Variants in FREM3 observed in about 807,000 individuals in gnomAD.
The protein encoded by FREM3 is FRAS1 related extracellular matrix 3, also known as FRAS1-related extracellular matrix protein 3.
FREM3 carries 105 observed loss-of-function variants against 129.1 expected under a neutral mutation model. The ratio of observed to expected loss-of-function variants is 0.81; its 90% CI spans 0.69 to 0.96. The LOEUF (loss-of-function observed/expected upper bound fraction) is 0.96. Ranked by LOEUF, FREM3 falls within the 40% of genes least tolerant of loss-of-function variation. The probability of loss-of-function intolerance (pLI) is 0.00; values close to 1 mark genes in which losing one functional copy is unlikely to be tolerated. For missense variants in FREM3, 2,593 were observed against 2,666.3 expected, an observed-to-expected ratio of 0.97 and a Z score of 0.61; for synonymous variants, 1,014 against 1,044.9, an observed-to-expected ratio of 0.97 and a Z score of 0.57.
chr4:143,675,485 G>A (rs940940527), intron 2 of FREM3, among the ~76,000 whole-genome samples: 10 of 151,652 alleles, frequency 6.6e-5, no homozygotes, highest in South Asian at 2.1e-4. Flanking sequence ...AAAGAACTAG[G>A]GAAGCAAGAG....
chr4:143,578,002 G>A (rs1296062092), intron 7 of FREM3, 150 bp from the exon 8 acceptor site: 1 of 905,048 alleles, frequency 1.1e-6, no homozygotes, highest in Non-Finnish European at 1.6e-6. Flanking sequence ...ATCCCCAGAA[G>A]GGGGAACTTC....
In FREM3 at chr4:143,698,105, T is replaced by G. The variant is rs1244749518; in HGVS notation, c.2571A>C (p.Pro857=). 6.5e-7 allele frequency: 1 copy of G among 1,537,316 alleles called. No individual in the cohort carries two copies. The highest frequency in any genetic ancestry group is 2.4e-5 in the East Asian group (1 of 40,932). The part of the protein sequence containing the change: ...LSSNELHVTD[P]DTDIDQIVFI... Reference sequence around the variant, plus strand: ...AGACAATTTGGTCAATGTCTGTGTCTGGGTCTGTAACATGCAGCTCATTAC... The same window carrying G: ...AGACAATTTGGTCAATGTCTGTGTCGGGGTCTGTAACATGCAGCTCATTAC... Residue 857 remains proline, a synonymous_variant, in exon 1 of 8, where the codon CCA becomes CCC. Coordinates refer to ENST00000329798, the MANE Select transcript of FREM3 (RefSeq NM_001168235.2).
At chr4:143,651,639 C>T (rs1464623878) in intron 2 of FREM3, among the ~76,000 whole-genome samples, 1 of 152,120 alleles carries the variant, frequency 6.6e-6, no homozygotes. Flanking sequence ...TGCTATAAGT[C>T]GGTTTCTTTT....
chr4:143,617,194 A>G (rs1738868396), intron 5 of FREM3, among the ~76,000 whole-genome samples: 1 of 152,140 alleles, frequency 6.6e-6, no homozygotes, highest in Non-Finnish European at 1.5e-5. Context: ...CGCTTAAAAC[A>G]TTTCATTATA....
chr4:143,696,213 T>A lies in FREM3; in HGVS notation c.4463A>T (p.Gln1488Leu). 2.6e-6 allele frequency: 4 copies of A among 1,537,874 alleles called. No individual in the cohort carries two copies. The highest frequency in any genetic ancestry group is 3.5e-6 in the Non-Finnish European group (4 of 1,147,062). Residue 1488 changes from glutamine (Q) to leucine (L), a missense_variant, in exon 1 of 8, where the codon CAA (glutamine) becomes CTA (leucine). Gln to Leu is a moderately radical substitution (Grantham distance 113). This residue lies in a region of FREM3 where 2,276 missense variants were observed against 2,267.2 expected (regional missense o/e 1.00). Coordinates refer to ENST00000329798, the MANE Select transcript of FREM3 (RefSeq NM_001168235.2). ...TATTTTGTTGCTAGCCAATTGAAGT[T>A]GAGTGAAAGAGGCAATGGGTTCCCC... ...YAGEPIASFT[Q>L]LQLASNKISY...
chr4:143,579,565 T>G (rs1738097605), intron 7 of FREM3, among the ~76,000 whole-genome samples: 1 of 152,220 alleles, frequency 6.6e-6, no homozygotes, highest in Non-Finnish European at 1.5e-5. Context: ...TGCTTACTTG[T>G]ACTAATTCTT....
At chr4:143,659,089 T>TTTATTATTATTACTA (rs1486436864) in intron 2 of FREM3, among the ~76,000 whole-genome samples, 5 of 141,506 alleles carry the variant, frequency 3.5e-5, no homozygotes, top group African/African-American at 1.3e-4. Context: ...ATTATTTTTA[T>TTTATTATTATTACTA]TTATTATTAT....
chr4:143,655,093 C>A (rs1739577278), intron 2 of FREM3, among the ~76,000 whole-genome samples: 1 of 151,658 alleles, frequency 6.6e-6, no homozygotes, highest in African/African-American at 2.4e-5. Context: ...TGCAAGGCAG[C>A]AGAAAGGATC....
intron 2 of FREM3, among the ~76,000 whole-genome samples, chr4:143,690,690 G>T (rs949848787): frequency 2.0e-5 from 3 of 151,994 alleles, no homozygotes; most frequent in Non-Finnish European, 4.4e-5. Context: ...AGGGCATTTT[G>T]AAAGAAAAAA....
At chr4:143,595,866 C>G (rs189512030) in intron 6 of FREM3, among the ~76,000 whole-genome samples, 1 of 125,642 alleles carries the variant, frequency 8.0e-6, no homozygotes, top group Non-Finnish European at 1.7e-5. Flanking sequence ...CCAGTCTGGG[C>G]GACAGAGCGA....
chr4:143,606,793 ATT>A (rs5862654), intron 6 of FREM3, among the ~76,000 whole-genome samples: 4 of 151,552 alleles, frequency 2.6e-5, no homozygotes, highest in African/African-American at 4.9e-5. Flanking sequence ...ATCTAGAAGG[ATT>A]TTTTTTTATG....
chr4:143,693,150 T>A lies in FREM3; in HGVS notation c.5238A>T (p.Ala1746=). ...CAGAGAAATAGAAGATGTCCTTTGA[T>A]GCGTTGCTGCCCTCATTCAAGACAT... ...ISYVLNEGSN[A]SKDIFYFSVE... is the part of the protein sequence containing the mutation. The change falls in exon 2 of 8, where the codon GCA becomes GCT. Residue 1746 remains alanine, a synonymous_variant. Transcript: ENST00000329798. The A allele has an allele frequency of 6.6e-7, 1 of 1,523,838 alleles. No individual in the cohort carries two copies. Among genetic ancestry groups the A allele is most frequent in the East Asian group, 2.5e-5 (1 of 40,546 alleles). The allele number at this position is 1,523,838 out of a possible 1,614,324, so 94.4% of individuals were successfully genotyped here.
intron 3 of FREM3, among the ~76,000 whole-genome samples, chr4:143,626,680 G>C (rs869165): frequency 0.11 from 17,133 of 152,096 alleles, 2,888 homozygotes; most frequent in African/African-American, 0.37. Flanking sequence ...GGGCCACCCA[G>C]AAGTCAGGGT....
chr4:143,594,030 G>A (rs1738418300), intron 6 of FREM3, among the ~76,000 whole-genome samples: 1 of 152,226 alleles, frequency 6.6e-6, no homozygotes, highest in Non-Finnish European at 1.5e-5. Flanking sequence ...TCTGAGCCAT[G>A]TGCAGGATAT....
chr4:143,666,299 G>A (rs1739858663), intron 2 of FREM3, among the ~76,000 whole-genome samples: 1 of 152,076 alleles, frequency 6.6e-6, no homozygotes, highest in Non-Finnish European at 1.5e-5. Context: ...AAAAAATTCT[G>A]CAACTGCTAT....
chr4:143,620,672 TA>T, intron 5 of FREM3, among the ~76,000 whole-genome samples: 1 of 152,346 alleles, frequency 6.6e-6, no homozygotes, highest in East Asian at 1.9e-4. Context: ...TGCTGACTAT[TA>T]AAAATACGAA....
intron 6 of FREM3, among the ~76,000 whole-genome samples, chr4:143,596,666 G>T (rs999523174): frequency 1.3e-5 from 2 of 152,200 alleles, no homozygotes; most frequent in African/African-American, 4.8e-5. Flanking sequence ...GCCTCACAGT[G>T]GTTCATGCCT....
At chr4:143,650,272 A>C (rs1739488156) in intron 2 of FREM3, among the ~76,000 whole-genome samples, 1 of 152,210 alleles carries the variant, frequency 6.6e-6, no homozygotes, top group African/African-American at 2.4e-5. Context: ...AAACCAATAG[A>C]AGGCACTGTA....
At chr4:143,677,440 C>G (rs1008452426) in intron 2 of FREM3, among the ~76,000 whole-genome samples, 1 of 152,150 alleles carries the variant, frequency 6.6e-6, no homozygotes, top group Non-Finnish European at 1.5e-5. Context: ...CATAAAAACC[C>G]TAGAAGAAAA....
Sources: gnomAD v4.1 joint callset for allele counts (sites outside exome capture counted in the v4.1 genomes callset) on GRCh38, gnomAD v4.1.1 for gene constraint, gnomAD v4.1.1 regional missense constraint, MANE v1.5 for transcripts, NCBI Gene and HGNC (gene_info 2026-07-23, HGNC 2026-07-21) for gene names.